The following ADAMTS17 variants were observed in gnomAD, a reference collection of about 807,000 sequenced individuals.
ADAMTS17 encodes A disintegrin and metalloproteinase with thrombospondin motifs 17.
A neutral mutation model predicts 141.5 loss-of-function variants in ADAMTS17; 113 were observed. The ratio of observed to expected loss-of-function variants is 0.80; its 90% confidence interval spans 0.69 to 0.93. The LOEUF (loss-of-function observed/expected upper bound fraction) is 0.93. ADAMTS17 is among the 40% of genes least tolerant of loss of function. The pLI is 0.00. For synonymous variants in ADAMTS17, 768 were observed against 630.6 expected (o/e 1.22, Z -3.27); for missense variants, 1,659 against 1,517.9 (o/e 1.09, Z -1.54).
intron 21 of ADAMTS17, among the ~76,000 whole-genome samples, chr15:99,975,805 G>C (rs1425177707): frequency 6.6e-6 from 1 of 152,202 alleles, no homozygotes; most frequent in African/African-American, 2.4e-5. Flanking sequence ...TTGGGCAAAG[G>C]GGTGAGGGAG....
At chr15:99,986,470 G>A (rs1008096011) in intron 20 of ADAMTS17, among the ~76,000 whole-genome samples, 2 of 152,140 alleles carry the variant, frequency 1.3e-5, no homozygotes, top group African/African-American at 4.8e-5. Flanking sequence ...GGCCTCTGAG[G>A]CACTGCTATC....
intron 7 of ADAMTS17, among the ~76,000 whole-genome samples, chr15:100,233,726 G>C (rs1204214206): frequency 2.0e-5 from 3 of 152,130 alleles, no homozygotes; most frequent in Non-Finnish European, 4.4e-5. Context: ...CTTGAACAGA[G>C]ACCTAACGGT....
At chr15:100,260,788 T>TA (rs1034941152) in intron 6 of ADAMTS17, among the ~76,000 whole-genome samples, 2 of 152,102 alleles carry the variant, frequency 1.3e-5, no homozygotes, top group Non-Finnish European at 2.9e-5. Context: ...TTCTTTAAAT[T>TA]AAAAAAAGTC....
intron 19 of ADAMTS17, among the ~76,000 whole-genome samples, chr15:99,994,433 C>T (rs1431920259): frequency 2.8e-5 from 4 of 144,216 alleles, no homozygotes; most frequent in African/African-American, 5.1e-5. Context: ...GCCTGGGAAA[C>T]ATACAGACCC....
intron 3 of ADAMTS17, among the ~76,000 whole-genome samples, chr15:100,301,480 A>G (rs1596477778): frequency 6.8e-6 from 1 of 147,570 alleles, no homozygotes; most frequent in Admixed American, 6.7e-5. Flanking sequence ...GCCCACCACC[A>G]CACCGGGCTA....
In ADAMTS17 at chr15:100,132,063, G is replaced by A; in HGVS notation, c.1665C>T (p.Cys555=). ...DWSPWGAWSM[C]SRTCGTGARF... is the part of the protein sequence containing the mutation. Reference sequence around the variant, plus strand: ...GGGCTCCCGTCCCACATGTTCGGCTGCACATGCTCCAGGCGCCCCACGGGC... The same window carrying A: ...GGGCTCCCGTCCCACATGTTCGGCTACACATGCTCCAGGCGCCCCACGGGC... The change falls in exon 12 of 22, where the codon TGC becomes TGT. Residue 555 remains cysteine (C), a synonymous_variant. Coordinates refer to ENST00000268070, the MANE Select transcript of ADAMTS17 (RefSeq NM_139057.4). The A allele has an allele frequency of 6.2e-7, 1 of 1,613,912 alleles. No individual in the cohort carries two copies. The highest frequency in any genetic ancestry group is 1.1e-5 in the South Asian group (1 of 91,066).
intron 3 of ADAMTS17, among the ~76,000 whole-genome samples, chr15:100,323,779 T>TGA (rs1221573313): frequency 1.3e-5 from 2 of 151,656 alleles, no homozygotes; most frequent in Non-Finnish European, 3.0e-5. Context: ...GACATGACTG[T>TGA]GAGTGATAAA....
rs886077425 is a variant in ADAMTS17 at position 99,993,514 on chromosome 15, C to T, written c.2797-314G>A. On this transcript the variant is annotated intron_variant, in intron 19 of 21. Coordinates refer to ENST00000268070, the MANE Select transcript of ADAMTS17 (RefSeq NM_139057.4). This position sits in a 1 kb window ranked among gnomAD's most constrained non-coding sequence, Gnocchi z 4.3. ...TCGGGTCCAAAAGCTCAAGGCAATA[C>T]GTGAGCTCGAAGGGCAGGTGTGTGA... 2.0e-5 allele frequency among the ~76,000 whole-genome samples: 3 copies of T among 152,094 alleles called. No homozygotes were observed. The highest frequency in any genetic ancestry group is 2.1e-4 in the South Asian group (1 of 4,820).
chr15:100,083,349 C>T (rs1596375316), intron 15 of ADAMTS17, among the ~76,000 whole-genome samples: 1 of 152,294 alleles, frequency 6.6e-6, no homozygotes, highest in South Asian at 2.1e-4. Flanking sequence ...ATCTAGGAGG[C>T]ACTTTTACTT....
intron 10 of ADAMTS17, among the ~76,000 whole-genome samples, chr15:100,140,703 G>T (rs1282266992): frequency 6.6e-6 from 1 of 151,698 alleles, no homozygotes; most frequent in South Asian, 2.1e-4. Flanking sequence ...GGGTGGACCT[G>T]TTCTAACCCA....
chr15:100,177,404 G>A (rs886185440), intron 8 of ADAMTS17, among the ~76,000 whole-genome samples: 1 of 152,112 alleles, frequency 6.6e-6, no homozygotes, highest in South Asian at 2.1e-4. Flanking sequence ...TTCTCTTATG[G>A]TTTATCCAGA....
chr15:100,242,022 C>T (rs190334668), intron 7 of ADAMTS17, among the ~76,000 whole-genome samples: 1 of 152,312 alleles, frequency 6.6e-6, no homozygotes, highest in Non-Finnish European at 1.5e-5. Flanking sequence ...GTTAAAAACT[C>T]AGAGCCAACC....
At position 100,330,925 on chromosome 15, in the gene ADAMTS17, C is replaced by A; in HGVS notation, c.580G>T (p.Ala194Ser). 1.9e-6 allele frequency: 3 copies of A among 1,614,106 alleles called. No homozygotes were observed. The highest frequency in any genetic ancestry group is 2.5e-6 in the Non-Finnish European group (3 of 1,180,022). Residue 194 changes from alanine (A) to serine (S), a missense_variant, in exon 3 of 22, where the codon GCC becomes TCC. Ala to Ser is a moderately conservative substitution (Grantham distance 99). Coordinates refer to ENST00000268070, the MANE Select transcript of ADAMTS17 (RefSeq NM_139057.4). ...TTGCAGAGCTGCTCAGGTCTCTGGG[C>A]CTCAGCAGAAGGGCTGGGGGTCAAG... is the stretch of plus-strand genomic sequence containing the variant. ...WSLTPSPSAEAQRPEQLCKVL... is the reference protein window; with the variant it reads ...WSLTPSPSAESQRPEQLCKVL...
chr15:100,202,575 G>T (rs1421593862), intron 7 of ADAMTS17, among the ~76,000 whole-genome samples: 1 of 152,198 alleles, frequency 6.6e-6, no homozygotes. Flanking sequence ...AAGAGCTGTG[G>T]GGGGAGTAAA....
chr15:100,298,041 G>T (rs1483115612), intron 3 of ADAMTS17, among the ~76,000 whole-genome samples: 1 of 151,988 alleles, frequency 6.6e-6, no homozygotes, highest in Non-Finnish European at 1.5e-5. Context: ...GTGTGGGGGT[G>T]GGGGGTCTCA....
At position 100,261,616 on chromosome 15, in the gene ADAMTS17, G is replaced by A. The variant is rs757068156; in HGVS notation, c.894C>T (p.His298=). 20 of 1,613,972 alleles carry A rather than the reference G, an allele frequency of 1.2e-5. 1 individual carries two copies. The South Asian group carries it at 2.2e-4, about 18-fold the overall frequency. ...AGCTCTCCAGGGACCGCTCACCATGGTGCCCAATGGACAACTTAGCCTAAA... is the reference window on the plus strand; with the variant it reads ...AGCTCTCCAGGGACCGCTCACCATGATGCCCAATGGACAACTTAGCCTAAA... ...RQRPAKLSIG[H]HGERSLESFC... Residue 298 remains histidine, a synonymous_variant, in exon 6 of 22, where the codon CAC becomes CAT. Coordinates refer to ENST00000268070, the MANE Select transcript of ADAMTS17 (RefSeq NM_139057.4).
chr15:100,064,264 C>G (rs1160151883), intron 15 of ADAMTS17, among the ~76,000 whole-genome samples: 5 of 152,206 alleles, frequency 3.3e-5, no homozygotes, highest in African/African-American at 9.7e-5. Context: ...AAGCATGGAA[C>G]AGATCCTCCC....
chr15:100,013,595 C>T (rs1042830088), intron 18 of ADAMTS17, among the ~76,000 whole-genome samples: 11 of 152,076 alleles, frequency 7.2e-5, no homozygotes, highest in African/African-American at 2.4e-4. Flanking sequence ...AATCATAAAG[C>T]GATGCGGGAT....
chr15:100,040,462 C>G (rs997540152), intron 18 of ADAMTS17, among the ~76,000 whole-genome samples: 3 of 152,132 alleles, frequency 2.0e-5, no homozygotes, highest in African/African-American at 7.2e-5. Flanking sequence ...TTTCTTGTAA[C>G]TGTGACATAA....
Sources: allele counts gnomAD v4.1 joint callset (sites outside exome capture counted in the v4.1 genomes callset), GRCh38; gene constraint gnomAD v4.1.1; non-coding constraint Gnocchi (gnomAD v3.1); transcripts MANE v1.5; gene names NCBI Gene and HGNC (gene_info 2026-07-23, HGNC 2026-07-21).